Variants in MED12L observed in about 807,000 individuals in gnomAD.
MED12L encodes mediator of RNA polymerase II transcription subunit 12-like protein.
MED12L carries 60 observed loss-of-function variants against 281.3 expected under a neutral mutation model. The ratio of observed to expected loss-of-function variants is 0.21; its 90% CI spans 0.17 to 0.26. MED12L has a LOEUF of 0.26. Ranked by LOEUF, MED12L falls within the 10% of genes least tolerant of loss-of-function variation. The pLI is 1.00. For missense variants in MED12L, 2,146 were observed against 2,680.9 expected (o/e 0.80, Z 4.41); for synonymous variants, 974 against 987.2 (o/e 0.99, Z 0.25).
At position 151,163,949 on chromosome 3, in the gene MED12L, T is replaced by C. The variant is rs1720344550; in HGVS notation, c.1164T>C (p.Asn388=). The C allele has an allele frequency of 6.2e-7, 1 of 1,613,134 alleles. No individual in the cohort carries two copies. Among genetic ancestry groups the C allele is most frequent in the African/African-American group, 1.3e-5 (1 of 74,874 alleles). The change falls in exon 9 of 45, where the codon AAT becomes AAC. Residue 388 remains asparagine, a synonymous_variant. Coordinates refer to ENST00000687756, the MANE Select transcript of MED12L (RefSeq NM_001393769.1). ...TGTGGAATTATTCCACAAATGAAAA[T>C]AAGAGCGCAAACCCAGGCTCACCCC... The part of the protein sequence containing the change: ...ALVWNYSTNE[N]KSANPGSPLD...
chr3:151,181,451 CTG>C (rs1722683035), intron 11 of MED12L, among the ~76,000 whole-genome samples: 1 of 151,008 alleles, frequency 6.6e-6, no homozygotes, highest in African/African-American at 2.4e-5. Context: ...GGGTCTGGCT[CTG>C]TTGCCTAGGC....
At chr3:151,431,971 C>T (rs1719586467) in intron 44 of MED12L, among the ~76,000 whole-genome samples, 1 of 152,194 alleles carries the variant, frequency 6.6e-6, no homozygotes, top group Non-Finnish European at 1.5e-5. Context: ...AGCTCAGAAG[C>T]ATTCCTTCCA....
intron 13 of MED12L, 61 bp from the exon 14 acceptor site, chr3:151,190,656 G>A: frequency 7.1e-7 from 1 of 1,405,200 alleles, no homozygotes; most frequent in Non-Finnish European, 1.0e-6. Context: ...TTAAGCCTTA[G>A]TAATTAGTTT....
At chr3:151,297,622 A>G (rs73006514) in intron 16 of MED12L, among the ~76,000 whole-genome samples, 3,321 of 152,268 alleles carry the variant, frequency 0.022, 114 homozygotes, top group African/African-American at 0.077. Flanking sequence ...GAATATTTCA[A>G]CTGCTTGTGT....
Position 151,159,881 on chromosome 3 carries a change from A to C in MED12L, c.887A>C (p.Tyr296Ser), listed in dbSNP as rs763381031. Reference sequence around the variant, plus strand: ...GCCTACCTGTCTCGTCGTCTTGCCTACTTTTGTGCCCGGCGTCTTTCCTTG... The same window carrying C: ...GCCTACCTGTCTCGTCGTCTTGCCTCCTTTTGTGCCCGGCGTCTTTCCTTG... ...QSAYLSRRLAYFCARRLSLLL... is the reference protein window; with the variant it reads ...QSAYLSRRLASFCARRLSLLL... The change falls in exon 8 of 45, where the codon TAC becomes TCC. Residue 296 changes from tyrosine (Y) to serine (S), a missense_variant. Coordinates refer to ENST00000687756, the MANE Select transcript of MED12L (RefSeq NM_001393769.1). The C allele has an allele frequency of 6.2e-7, 1 of 1,614,148 alleles. No homozygotes were observed. The highest frequency in any genetic ancestry group is 8.5e-7 in the Non-Finnish European group (1 of 1,180,024).
rs1719833562 is a variant in MED12L at position 151,434,160 on chromosome 3, A to G, written c.*1356A>G. The G allele has an allele frequency of 6.6e-6, 1 of 152,228 alleles. No individual in the cohort carries two copies. Among genetic ancestry groups the G allele is most frequent in the African/African-American group, 2.4e-5 (1 of 41,456 alleles). 9.4% of individuals were successfully genotyped at this position (152,228 alleles called of 1,614,324 possible). A position where few individuals can be genotyped will look rare whatever the true frequency, so the allele number is the denominator to read the frequency against. On this transcript the variant is annotated 3_prime_UTR_variant, in exon 45 of 45. Coordinates refer to ENST00000687756, the MANE Select transcript of MED12L (RefSeq NM_001393769.1). ...ATTTTCTTTTGCCATATGATTTTACATATAATATAGTCAAGCATACTGTGA... is the reference window on the plus strand; with the variant it reads ...ATTTTCTTTTGCCATATGATTTTACGTATAATATAGTCAAGCATACTGTGA...
chr3:151,245,317 CAA>C (rs1559930285), intron 16 of MED12L, among the ~76,000 whole-genome samples: 3 of 150,026 alleles, frequency 2.0e-5, no homozygotes, highest in Non-Finnish European at 3.0e-5. Flanking sequence ...ACACAACCAA[CAA>C]AGAGAATTTT....
intron 29 of MED12L, 31 bp downstream of exon 29, chr3:151,376,905 T>C: frequency 6.2e-7 from 1 of 1,612,502 alleles, no homozygotes; most frequent in Non-Finnish European, 8.5e-7. Flanking sequence ...TATCTCTGTA[T>C]GAAATTTTAT....
intron 11 of MED12L, among the ~76,000 whole-genome samples, chr3:151,181,066 C>T (rs1043423874): frequency 4.6e-5 from 7 of 150,888 alleles, no homozygotes; most frequent in East Asian, 1.9e-4. Context: ...TCTGTTTTCT[C>T]GGTGGTTAAG....
intron 44 of MED12L, among the ~76,000 whole-genome samples, chr3:151,431,870 C>T (rs536189268): frequency 7.4e-4 from 113 of 152,336 alleles, no homozygotes; most frequent in African/African-American, 2.6e-3. Flanking sequence ...TGTATTATTA[C>T]TGTTCCCACA....
chr3:151,415,369 A>G (rs1717422830), intron 42 of MED12L, among the ~76,000 whole-genome samples: 1 of 152,238 alleles, frequency 6.6e-6, no homozygotes. Context: ...AAGAGGTTCT[A>G]GAGGGCTAAC....
chr3:151,132,595 T>C (rs1715553591), intron 5 of MED12L, among the ~76,000 whole-genome samples: 1 of 152,204 alleles, frequency 6.6e-6, no homozygotes, highest in Admixed American at 6.5e-5. Flanking sequence ...TAAGGTGGTG[T>C]CTATCGGATT....
At chr3:151,422,075 AGTCGTGT>A (rs1718309559) in intron 43 of MED12L, among the ~76,000 whole-genome samples, 1 of 152,176 alleles carries the variant, frequency 6.6e-6, no homozygotes, top group Non-Finnish European at 1.5e-5. Flanking sequence ...AAGTGATTGC[AGTCGTGT>A]GTGTGGTGGA....
chr3:151,280,972 A>G (rs1742705015), intron 16 of MED12L, among the ~76,000 whole-genome samples: 1 of 152,114 alleles, frequency 6.6e-6, no homozygotes, highest in South Asian at 2.1e-4. Context: ...CATTTTGTGG[A>G]TATGCTTAAA....
intron 11 of MED12L, among the ~76,000 whole-genome samples, chr3:151,167,831 A>AT (rs1483022814): frequency 6.6e-6 from 1 of 152,196 alleles, no homozygotes; most frequent in African/African-American, 2.4e-5. Context: ...GAATACTAAG[A>AT]TTTTTAATAC....
At chr3:151,363,120 G>A (rs1263663764) in intron 21 of MED12L, among the ~76,000 whole-genome samples, 2 of 151,992 alleles carry the variant, frequency 1.3e-5, no homozygotes, top group African/African-American at 4.8e-5. Context: ...GAAATTTAGG[G>A]TACCAGCACA....
chr3:151,361,461 G>A (rs1302561403), intron 21 of MED12L, among the ~76,000 whole-genome samples: 1 of 151,944 alleles, frequency 6.6e-6, no homozygotes, highest in East Asian at 1.9e-4. Context: ...ATCATAAAAA[G>A]GTACTGTAAA....
At chr3:151,411,927 T>C (rs537740943) in intron 41 of MED12L, among the ~76,000 whole-genome samples, 53 of 152,212 alleles carry the variant, frequency 3.5e-4, no homozygotes, top group Non-Finnish European at 6.5e-4. Flanking sequence ...TTGTGCATGG[T>C]GCACATGAGA....
At chr3:151,309,634 A>G (rs1398696463) in intron 16 of MED12L, among the ~76,000 whole-genome samples, 2 of 152,088 alleles carry the variant, frequency 1.3e-5, no homozygotes, top group East Asian at 3.9e-4. Context: ...AGAGCTTTCC[A>G]TGTTATCCCC....
Sources: allele counts gnomAD v4.1 joint callset (sites outside exome capture counted in the v4.1 genomes callset), GRCh38; gene constraint gnomAD v4.1.1; transcripts MANE v1.5; gene names NCBI Gene and HGNC (gene_info 2026-07-23, HGNC 2026-07-21).